The following KATNAL1 variants were observed in gnomAD, a reference collection of about 807,000 sequenced individuals.
KATNAL1 encodes katanin catalytic subunit A1 like 1.
In KATNAL1, 32 loss-of-function variants were observed where a neutral mutation model predicts 55.2. The observed-to-expected ratio is 0.58, with a 90% confidence interval of 0.44 to 0.78. KATNAL1 has a LOEUF of 0.78. KATNAL1 is among the 30% of genes least tolerant of loss of function. The pLI is 0.00. For missense variants in KATNAL1, 466 were observed against 600.9 expected, an observed-to-expected ratio of 0.78 and a Z score of 2.35; for synonymous variants, 193 against 193.6, an observed-to-expected ratio of 1.00 and a Z score of 0.02.
chr13:30,281,000 G>A (rs1881240095), intron 2 of KATNAL1, among the ~76,000 whole-genome samples: 1 of 151,710 alleles, frequency 6.6e-6, no homozygotes, highest in African/African-American at 2.4e-5. Flanking sequence ...TGTAGTCCTA[G>A]TGCGAGTCTA....
intron 4 of KATNAL1, among the ~76,000 whole-genome samples, chr13:30,250,203 C>T (rs537289116): frequency 3.5e-4 from 53 of 152,198 alleles, no homozygotes; most frequent in Middle Eastern, 3.4e-3. Flanking sequence ...TTATTGTTTT[C>T]CTGACTGTCT....
In KATNAL1 at chr13:30,208,810, T is replaced by C; in HGVS notation, c.1275-72A>G. On this transcript the variant is annotated intron_variant, in intron 10 of 10. Coordinates refer to ENST00000380615, the MANE Select transcript of KATNAL1 (RefSeq NM_032116.5). ...TAAACACTTTCAATTGTAACAAAGT[T>C]ATGAAAAAAAAATCAAAAGATTATT... 3.9e-6 allele frequency: 4 copies of C among 1,036,266 alleles called. No individual in the cohort carries two copies. The highest frequency in any genetic ancestry group is 5.5e-6 in the Non-Finnish European group (4 of 727,768). The allele number at this position is 1,036,266 out of a possible 1,614,324, so 64.2% of individuals were successfully genotyped here.
At chr13:30,296,329 T>C (rs1882489816) in intron 1 of KATNAL1, 6 of 1,154,504 alleles carry the variant, frequency 5.2e-6, no homozygotes, top group Non-Finnish European at 7.6e-6. Context: ...TCAGCAGCCA[T>C]GCCGAGGACT....
intron 2 of KATNAL1, 33 bp downstream of exon 2, chr13:30,283,583 C>G: frequency 1.2e-6 from 2 of 1,603,062 alleles, no homozygotes; most frequent in African/African-American, 2.7e-5. Flanking sequence ...GTACTGCCAT[C>G]CTAACTCATC....
At chr13:30,277,290 A>T (rs1482292306) in intron 3 of KATNAL1, among the ~76,000 whole-genome samples, 1 of 152,214 alleles carries the variant, frequency 6.6e-6, no homozygotes, top group African/African-American at 2.4e-5. Flanking sequence ...TTAATTACTT[A>T]TTACATGCCA....
chr13:30,298,268 A>G (rs897077792), intron 1 of KATNAL1, among the ~76,000 whole-genome samples: 1 of 152,184 alleles, frequency 6.6e-6, no homozygotes, highest in Admixed American at 6.5e-5. Flanking sequence ...ATAAACTCAT[A>G]TGGTATATAC....
chr13:30,296,991 G>GA (rs59766863), intron 1 of KATNAL1, among the ~76,000 whole-genome samples: 27 of 149,292 alleles, frequency 1.8e-4, no homozygotes, highest in African/African-American at 5.6e-4. Context: ...TTAGGGACAA[G>GA]AAAAAAAAAA....
chr13:30,231,603 T>C, intron 6 of KATNAL1, 131 bp from the exon 7 acceptor site: 2 of 522,142 alleles, frequency 3.8e-6, no homozygotes, highest in Non-Finnish European at 3.1e-6. Flanking sequence ...AGTAAAATCA[T>C]GATGCATTTA....
chr13:30,307,064 C>A (rs1593198989), intron 1 of KATNAL1: 1 of 152,132 alleles, frequency 6.6e-6, no homozygotes, highest in African/African-American at 2.4e-5. Flanking sequence ...TCCCGGCGGT[C>A]GGGGCCGCCG....
At chr13:30,281,450 T>A (rs1881319578) in intron 2 of KATNAL1, among the ~76,000 whole-genome samples, 1 of 152,044 alleles carries the variant, frequency 6.6e-6, no homozygotes, top group Admixed American at 6.5e-5. Context: ...TCAGAATATA[T>A]AAAAAACATT....
chr13:30,212,314 T>TA (rs1873767233), intron 9 of KATNAL1, among the ~76,000 whole-genome samples: 5 of 152,348 alleles, frequency 3.3e-5, no homozygotes, highest in Admixed American at 3.3e-4. Context: ...CAAAGACTTG[T>TA]ATCAAGAATA....
intron 2 of KATNAL1, among the ~76,000 whole-genome samples, chr13:30,283,155 C>A (rs1881511937): frequency 6.7e-6 from 1 of 149,004 alleles, no homozygotes; most frequent in African/African-American, 2.5e-5. Flanking sequence ...GTAGTCCCAG[C>A]TACTCCGGAG....
rs1295297631 is a variant in KATNAL1, at chr13:30,202,782, C to T, written c.*5758G>A. On this transcript the variant is annotated 3_prime_UTR_variant, in exon 11 of 11. Coordinates refer to ENST00000380615, the MANE Select transcript of KATNAL1 (RefSeq NM_032116.5). ...AACGTCTTTTTCTTTAAATTAGGTT[C>T]AAATACTGGGAGACAAACACTGAAA... 6.6e-6 allele frequency: 1 copy of T among 152,136 alleles called. No individual in the cohort carries two copies. The highest frequency in any genetic ancestry group is 1.9e-4 in the East Asian group (1 of 5,198). 9.4% of individuals were successfully genotyped at this position (152,136 alleles called of 1,614,324 possible).
chr13:30,248,565 C>G (rs2137443857), intron 4 of KATNAL1, among the ~76,000 whole-genome samples: 1 of 152,282 alleles, frequency 6.6e-6, no homozygotes, highest in Non-Finnish European at 1.5e-5. Context: ...CATAAATTAT[C>G]AGGTAAATAC....
At chr13:30,213,094 T>C (rs901426295) in intron 9 of KATNAL1, among the ~76,000 whole-genome samples, 1 of 152,192 alleles carries the variant, frequency 6.6e-6, no homozygotes, top group African/African-American at 2.4e-5. Context: ...TACTTCTAGC[T>C]TCCGGTACTA....
intron 4 of KATNAL1, among the ~76,000 whole-genome samples, chr13:30,242,820 A>G (rs1364570655): frequency 7.9e-5 from 12 of 152,176 alleles, no homozygotes; most frequent in Admixed American, 7.9e-4. Flanking sequence ...GATTCTGGAA[A>G]CGTTTTCAAA....
intron 3 of KATNAL1, among the ~76,000 whole-genome samples, chr13:30,279,524 A>G (rs1047359602): frequency 1.3e-5 from 2 of 152,186 alleles, no homozygotes; most frequent in African/African-American, 2.4e-5. Context: ...AAAAAAGGCA[A>G]AAAGAGAGAG....
intron 2 of KATNAL1, among the ~76,000 whole-genome samples, chr13:30,283,396 A>G (rs1198716999): frequency 6.6e-6 from 1 of 152,152 alleles, no homozygotes; most frequent in Non-Finnish European, 1.5e-5. Flanking sequence ...TTGGAATTAA[A>G]TATTTTCAAA....
intron 4 of KATNAL1, among the ~76,000 whole-genome samples, chr13:30,244,243 C>T (rs183406193): frequency 5.3e-4 from 81 of 152,216 alleles, no homozygotes; most frequent in African/African-American, 1.4e-3. Flanking sequence ...ATCCATGTCC[C>T]TGCAAAGGAC....
Sources: gnomAD v4.1 joint callset for allele counts (sites outside exome capture counted in the v4.1 genomes callset) on GRCh38, gnomAD v4.1.1 for gene constraint, MANE v1.5 for transcripts, NCBI Gene and HGNC (gene_info 2026-07-23, HGNC 2026-07-21) for gene names.